ADIPOQ: variants seen among roughly 807,000 people sequenced by gnomAD.
ADIPOQ encodes adiponectin.
In ADIPOQ, 19 loss-of-function variants were observed where a neutral mutation model predicts 16.1. The observed-to-expected ratio is 1.18, with a 90% confidence interval of 0.82 to 1.73. The LOEUF (loss-of-function observed/expected upper bound fraction) is 1.73, where lower values mean the gene tolerates loss of function less well. ADIPOQ is among the 40% of genes most tolerant of loss of function. The pLI, the probability that ADIPOQ is intolerant of heterozygous loss-of-function variation, is 0.00. For missense variants in ADIPOQ, 323 were observed against 308.3 expected (o/e 1.05, Z -0.36); for synonymous variants, 124 against 125.5 (o/e 0.99, Z 0.08).
intron 1 of ADIPOQ, among the ~76,000 whole-genome samples, chr3:186,850,741 A>G (rs1205274829): frequency 2.0e-5 from 3 of 152,142 alleles, no homozygotes; most frequent in Non-Finnish European, 4.4e-5. Context: ...TAGTCATTAT[A>G]AAAACTAGAA....
chr3:186,845,161 C>A (rs780927430), intron 1 of ADIPOQ, among the ~76,000 whole-genome samples: 5 of 150,698 alleles, frequency 3.3e-5, no homozygotes, highest in Admixed American at 1.3e-4. Context: ...TGTGGGTGTG[C>A]GCGTGCATAG....
chr3:186,844,793 C>G (rs1338224886), intron 1 of ADIPOQ, among the ~76,000 whole-genome samples: 4 of 152,106 alleles, frequency 2.6e-5, no homozygotes, highest in Non-Finnish European at 5.9e-5. Flanking sequence ...GTCCTCCCAC[C>G]TCAGCCTCCC....
At chr3:186,844,588 G>A (rs1310225377) in intron 1 of ADIPOQ, among the ~76,000 whole-genome samples, 1 of 151,044 alleles carries the variant, frequency 6.6e-6, no homozygotes, top group African/African-American at 2.4e-5. Flanking sequence ...CTATCACCCA[G>A]GCTGGAGTGC....
At position 186,854,486 on chromosome 3, in the gene ADIPOQ, G is replaced by A. The variant is rs1242726243; in HGVS notation, c.517G>A (p.Val173Ile). ...CACAGTCTATATGAAGGATGTGAAGGTCAGCCTCTTCAAGAAGGACAAGGC... is the reference window on the plus strand; with the variant it reads ...CACAGTCTATATGAAGGATGTGAAGATCAGCCTCTTCAAGAAGGACAAGGC... ...HITVYMKDVK[V>I]SLFKKDKAML... is the part of the protein sequence containing the mutation. The change falls in exon 3 of 3, where the codon GTC (valine) becomes ATC (isoleucine). Residue 173 changes from valine to isoleucine, a missense_variant. Physicochemically the swap from Val to Ile is conservative, Grantham distance 29. Transcript: ENST00000320741. 6.2e-7 allele frequency: 1 copy of A among 1,614,130 alleles called. No homozygotes were observed. The highest frequency in any genetic ancestry group is 2.2e-5 in the East Asian group (1 of 44,884).
chr3:186,854,750 C>A lies in ADIPOQ; in HGVS notation c.*46C>A. The A allele has an allele frequency of 6.2e-7, 1 of 1,603,534 alleles. No individual in the cohort carries two copies. Among genetic ancestry groups the A allele is most frequent in the South Asian group, 1.1e-5 (1 of 90,670 alleles). On this transcript the variant is annotated 3_prime_UTR_variant, in exon 3 of 3. Coordinates refer to ENST00000320741, the MANE Select transcript of ADIPOQ (RefSeq NM_004797.4). Reference sequence around the variant, plus strand: ...CCTCCAGGCCAAACAGCCCCAAAGTCAATTAAAGGCTTTCAGTACGGTTAG... The same window carrying A: ...CCTCCAGGCCAAACAGCCCCAAAGTAAATTAAAGGCTTTCAGTACGGTTAG...
intron 1 of ADIPOQ, among the ~76,000 whole-genome samples, chr3:186,849,654 G>A (rs1380422410): frequency 1.3e-5 from 2 of 152,116 alleles, no homozygotes; most frequent in Admixed American, 6.5e-5. Context: ...TGTTTCTGTT[G>A]CTGTTTCTGT....
chr3:186,851,377 G>A lies in ADIPOQ; in HGVS notation c.-8-1674G>A, dbSNP rs561510786. On this transcript the variant is annotated intron_variant, in intron 1 of 2. Coordinates refer to ENST00000320741, the MANE Select transcript of ADIPOQ (RefSeq NM_004797.4). Reference sequence around the variant, plus strand: ...TTCTCCCAACTCCTTGGTGAGAGTGGGAAGACTAAGACCTCAGCAATCTGA... The same window carrying A: ...TTCTCCCAACTCCTTGGTGAGAGTGAGAAGACTAAGACCTCAGCAATCTGA... Among the ~76,000 whole-genome samples, 45 of 152,166 alleles carry A rather than the reference G, an allele frequency of 3.0e-4. 1 individual carries two copies. Among genetic ancestry groups the A allele is most frequent in the Admixed American group, 2.6e-3 (40 of 15,288 alleles).
intron 1 of ADIPOQ, among the ~76,000 whole-genome samples, chr3:186,844,196 G>A (rs147187522): frequency 2.2e-4 from 33 of 152,240 alleles, no homozygotes; most frequent in South Asian, 4.1e-4. Context: ...GTCTTGAGGA[G>A]TCTTTTTTTG....
chr3:186,854,042 C>T (rs1372533957), intron 2 of ADIPOQ, 142 bp from the exon 3 acceptor site: 2 of 840,298 alleles, frequency 2.4e-6, no homozygotes, highest in South Asian at 1.9e-5. Flanking sequence ...ACACCTCTCT[C>T]CTTTTGGGAG....
At position 186,853,082 on chromosome 3, in the gene ADIPOQ, A is replaced by G. The variant is rs199662617; in HGVS notation, c.24A>G (p.Leu8=). 1 of 1,612,194 alleles carries G rather than the reference A, an allele frequency of 6.2e-7. No homozygotes were observed. The highest frequency in any genetic ancestry group is 1.7e-5 in the Admixed American group (1 of 59,958). The change falls in exon 2 of 3, where the codon CTA becomes CTG. Residue 8 remains leucine, a synonymous_variant. Transcript: ENST00000320741. MLLLGAV[L]LLLALPGHDQ... ...GGATGCTGTTGCTGGGAGCTGTTCT[A>G]CTGCTATTAGCTCTGCCCGGTCATG...
chr3:186,846,474 C>A (rs1024025668), intron 1 of ADIPOQ, among the ~76,000 whole-genome samples: 8 of 152,094 alleles, frequency 5.3e-5, no homozygotes, highest in African/African-American at 1.9e-4. Context: ...CTTCATGTGA[C>A]CCACCCATCT....
In ADIPOQ at chr3:186,855,032, G is replaced by A; in HGVS notation, c.*328G>A. ...AAGCATTCTCCTGTTTTTACAGATT[G>A]TATCCTGAGGCTGAGAGAGTTAAGT... On this transcript the variant is annotated 3_prime_UTR_variant, in exon 3 of 3. Coordinates refer to ENST00000320741, the MANE Select transcript of ADIPOQ (RefSeq NM_004797.4). The A allele has an allele frequency of 2.6e-6, 1 of 384,016 alleles. No homozygotes were observed. The highest frequency in any genetic ancestry group is 3.9e-5 in the Admixed American group (1 of 25,820). The allele number at this position is 384,016 out of a possible 1,614,324, so 23.8% of individuals were successfully genotyped here.
rs1286017549 is a variant in ADIPOQ at position 186,847,213 on chromosome 3, T to C, written c.-9+4464T>C. 2.6e-5 allele frequency among the ~76,000 whole-genome samples: 4 copies of C among 152,374 alleles called. No individual in the cohort carries two copies. The East Asian group carries it at 7.7e-4, about 29-fold the overall frequency. On this transcript the variant is annotated intron_variant, in intron 1 of 2. Transcript: ENST00000320741. ...CGCATTACAGGTCAGAACAAATGAT[T>C]TGTGCCTAAGCACCAAGACCGTAGA...
chr3:186,854,140 G>A (rs1382859417), intron 2 of ADIPOQ, 44 bp from the exon 3 acceptor site: 2 of 1,597,452 alleles, frequency 1.3e-6, no homozygotes, highest in Non-Finnish European at 1.7e-6. Context: ...AACCTAGGCA[G>A]GAGTTCTGTT....
chr3:186,846,445 G>C (rs1711584790), intron 1 of ADIPOQ, among the ~76,000 whole-genome samples: 1 of 152,006 alleles, frequency 6.6e-6, no homozygotes, highest in South Asian at 2.1e-4. Context: ...TATTGGCCAG[G>C]CTGGTCTTGA....
chr3:186,854,300 T>C lies in ADIPOQ; in HGVS notation c.331T>C (p.Tyr111His), dbSNP rs17366743. The change falls in exon 3 of 3, where the codon TAC becomes CAC. Residue 111 changes from tyrosine to histidine, a missense_variant. Transcript: ENST00000320741. ...AGAACCTGGAGAAGGTGCCTATGTA[T>C]ACCGCTCAGCATTCAGTGTGGGATT... ...KGEPGEGAYV[Y>H]RSAFSVGLET... 0.028 allele frequency: 44,766 copies of C among 1,614,206 alleles called. 727 individuals are homozygous for C. The highest frequency in any genetic ancestry group is 0.032 in the Non-Finnish European group (37,496 of 1,180,022).
chr3:186,848,721 C>T (rs554113812), intron 1 of ADIPOQ, among the ~76,000 whole-genome samples: 24 of 152,166 alleles, frequency 1.6e-4, no homozygotes, highest in South Asian at 4.2e-4. Flanking sequence ...AAGATGCTAG[C>T]GACAGAGCAA....
Position 186,857,972 on chromosome 3 carries a change from TTCTCTCTC to T in ADIPOQ, c.*3282_*3289del, listed in dbSNP as rs571637954. On this transcript the variant is annotated 3_prime_UTR_variant, in exon 3 of 3. Transcript: ENST00000320741. Reference sequence around the variant, plus strand: ...TTCCTTCCTTCCTTCCTCCTTTTCTTTCTCTCTCTCTCTCTCTCTCTTTTTTTGACAGA... The same window carrying T: ...TTCCTTCCTTCCTTCCTCCTTTTCTTTCTCTCTCTCTCTTTTTTTGACAGA... 19 of 148,536 alleles carry T rather than the reference TTCTCTCTC, an allele frequency of 1.3e-4. No homozygotes were observed. Among genetic ancestry groups the T allele is most frequent in the Non-Finnish European group, 6.0e-5 (4 of 66,782 alleles). 9.2% of individuals were successfully genotyped at this position (148,536 alleles called of 1,614,324 possible).
At chr3:186,852,695 A>G in intron 1 of ADIPOQ, 1 of 255,930 alleles carries the variant, frequency 3.9e-6, no homozygotes, top group Non-Finnish European at 7.6e-6. Context: ...CGTACTTGGG[A>G]AACCCAAGGA....
Sources: gnomAD v4.1 joint callset for allele counts (sites outside exome capture counted in the v4.1 genomes callset) on GRCh38, gnomAD v4.1.1 for gene constraint, MANE v1.5 for transcripts, NCBI Gene and HGNC (gene_info 2026-07-23, HGNC 2026-07-21) for gene names.